Variants in GLRA2 observed in about 807,000 individuals in gnomAD.
GLRA2 encodes the protein glycine receptor alpha 2.
GLRA2 carries 11 observed loss-of-function variants against 31.6 expected under a neutral mutation model. The observed-to-expected ratio is 0.35, with a 90% CI of 0.22 to 0.58. GLRA2 has a LOEUF of 0.58. Ranked by LOEUF, GLRA2 falls within the 20% of genes least tolerant of loss-of-function variation. The probability of loss-of-function intolerance (pLI) is 0.84; values close to 1 mark genes in which losing one functional copy is unlikely to be tolerated. For missense variants in GLRA2, 212 were observed against 351.8 expected (o/e 0.60, Z 3.18); for synonymous variants, 132 against 134.0 (o/e 0.99, Z 0.10).
chrX:14,665,318 T>C (rs1439730366), intron 7 of GLRA2, among the ~76,000 whole-genome samples: 5 of 112,103 alleles, frequency 4.5e-5, no homozygotes, highest in African/African-American at 1.6e-4. Context: ...AATCATACTT[T>C]GTGAATGCAT....
chrX:14,574,548 G>A, intron 3 of GLRA2, 148 bp downstream of exon 3: 1 of 1,188,965 alleles, frequency 8.4e-7, no homozygotes, highest in Non-Finnish European at 1.1e-6. Flanking sequence ...GTCAATAGCA[G>A]AAACTACAAT....
the GLRA2 span, among the ~76,000 whole-genome samples, chrX:14,493,562 CAT>C: frequency 5.8e-5 from 6 of 103,188 alleles, no homozygotes; most frequent in South Asian, 4.0e-4. Context: ...CATATATACA[CAT>C]ATATACATAT....
chrX:14,595,697 T>C (rs1354785649), intron 4 of GLRA2, among the ~76,000 whole-genome samples: 1 of 111,282 alleles, frequency 9.0e-6, no homozygotes, highest in East Asian at 2.8e-4. Context: ...TAAGAATAGA[T>C]AACCTGCTCT....
chrX:14,504,406 GT>G, the GLRA2 span, among the ~76,000 whole-genome samples: 2 of 109,724 alleles, frequency 1.8e-5, no homozygotes, highest in African/African-American at 3.3e-5. Flanking sequence ...AGCCAAACAG[GT>G]TTTTTTTTGT....
intron 2 of GLRA2, among the ~76,000 whole-genome samples, chrX:14,568,526 T>C (rs1327459600): frequency 9.2e-6 from 1 of 108,145 alleles, no homozygotes; most frequent in Non-Finnish European, 1.9e-5. Flanking sequence ...AACCCCATCT[T>C]TACTAAAAAT....
intron 7 of GLRA2, among the ~76,000 whole-genome samples, chrX:14,645,587 A>G (rs2147132667): frequency 8.9e-6 from 1 of 111,865 alleles, no homozygotes; most frequent in African/African-American, 3.2e-5. Context: ...TACTTTGAAC[A>G]TAGATCCAAA....
rs767674846 is a variant in GLRA2, at chrX:14,571,135, G to A, written c.203-3198G>A. Among the ~76,000 whole-genome samples the A allele has an allele frequency of 5.4e-5, 6 of 111,929 alleles. No homozygotes were observed. The South Asian group carries it at 1.1e-3, about 21-fold the overall frequency. ...GGAATGATAGTGCCATGAAAAACTA[G>A]ATGTTTACATAATTCTTTTCAACAG... On this transcript the variant is annotated intron_variant, in intron 2 of 8. Transcript: ENST00000218075.
chrX:14,643,261 A>G (rs2090794838), intron 7 of GLRA2, among the ~76,000 whole-genome samples: 1 of 112,032 alleles, frequency 8.9e-6, no homozygotes, highest in African/African-American at 3.2e-5. Context: ...GTGAGACACA[A>G]AACACTCAGC....
chrX:14,621,102 G>C (rs985199097), intron 7 of GLRA2, among the ~76,000 whole-genome samples: 4 of 111,614 alleles, frequency 3.6e-5, no homozygotes, highest in Admixed American at 1.9e-4. Context: ...GAGCCCGTAA[G>C]TAGTTATTGT....
the GLRA2 span, among the ~76,000 whole-genome samples, chrX:14,464,744 G>A: frequency 2.7e-5 from 3 of 110,538 alleles, no homozygotes; most frequent in Non-Finnish European, 5.7e-5. Flanking sequence ...TTTTAGTAGA[G>A]ATGGGGTTTC....
the GLRA2 span, among the ~76,000 whole-genome samples, chrX:14,485,686 T>TCA: frequency 9.0e-6 from 1 of 111,643 alleles, no homozygotes; most frequent in Non-Finnish European, 1.9e-5. Context: ...TGACCACATG[T>TCA]CACCACCCCT....
In GLRA2 at chrX:14,543,523, C is replaced by T. The variant is rs1305002495; in HGVS notation, c.202+11151C>T. Among the ~76,000 whole-genome samples, 3 of 111,161 alleles carry T rather than the reference C, an allele frequency of 2.7e-5. No individual in the cohort carries two copies. The Admixed American group carries it at 2.9e-4, about 11-fold the overall frequency. ...GTTATTGCAGGGAAGACCCTGGAAACTTATGAGGAGATTACTGAAGAAATA... is the reference window on the plus strand; with the variant it reads ...GTTATTGCAGGGAAGACCCTGGAAATTTATGAGGAGATTACTGAAGAAATA... On this transcript the variant is annotated intron_variant, in intron 2 of 8. Coordinates refer to ENST00000218075, the MANE Select transcript of GLRA2 (RefSeq NM_002063.4).
chrX:14,620,781 G>T (rs1325884611), intron 7 of GLRA2, among the ~76,000 whole-genome samples: 1 of 111,390 alleles, frequency 9.0e-6, no homozygotes, highest in African/African-American at 3.3e-5. Flanking sequence ...TAGAGCATGG[G>T]GCCTCAGCAA....
intron 8 of GLRA2, among the ~76,000 whole-genome samples, chrX:14,728,449 C>T (rs1370825000): frequency 9.0e-6 from 1 of 111,642 alleles, no homozygotes; most frequent in Non-Finnish European, 1.9e-5. Flanking sequence ...TAGGTGCAGT[C>T]ATTAATAAAA....
intron 7 of GLRA2, among the ~76,000 whole-genome samples, chrX:14,644,670 C>CT (rs779730401): frequency 1.8e-4 from 20 of 111,505 alleles, no homozygotes; most frequent in African/African-American, 6.5e-4. Flanking sequence ...GATTTTATTG[C>CT]TTTTTTTGTT....
At chrX:14,508,992 G>A in the GLRA2 span, among the ~76,000 whole-genome samples, 1 of 111,479 alleles carries the variant, frequency 9.0e-6, no homozygotes, top group Non-Finnish European at 1.9e-5. Context: ...CCACTCCCCA[G>A]ATTTCACTGA....
At chrX:14,459,238 G>A in the GLRA2 span, among the ~76,000 whole-genome samples, 7 of 111,701 alleles carry the variant, frequency 6.3e-5, no homozygotes, top group African/African-American at 2.3e-4. Context: ...CTATAACTCT[G>A]TTTTGGTACC....
intron 8 of GLRA2, among the ~76,000 whole-genome samples, chrX:14,729,924 G>T (rs961750166): frequency 5.4e-5 from 6 of 111,670 alleles, no homozygotes; most frequent in Non-Finnish European, 1.1e-4. Flanking sequence ...ACTAGATTTT[G>T]GGAAAGTCAG....
chrX:14,726,517 G>T (rs1433656930), intron 8 of GLRA2, among the ~76,000 whole-genome samples: 1 of 112,315 alleles, frequency 8.9e-6, no homozygotes, highest in East Asian at 2.8e-4. Context: ...ATGCTCAGAA[G>T]CATAATTTGA....
Sources: gnomAD v4.1 joint callset for allele counts (sites outside exome capture counted in the v4.1 genomes callset) on GRCh38, gnomAD v4.1.1 for gene constraint, MANE v1.5 for transcripts, NCBI Gene and HGNC (gene_info 2026-07-23, HGNC 2026-07-21) for gene names.